Variants in CLASP1 observed in about 807,000 individuals in gnomAD.
CLASP1 encodes the protein cytoplasmic linker associated protein 1.
In CLASP1, 38 loss-of-function variants were observed where a neutral mutation model predicts 192.3. That is an observed-to-expected ratio of 0.20 (90% confidence interval 0.15 to 0.26). The LOEUF (loss-of-function observed/expected upper bound fraction) is 0.26. Ranked by LOEUF, CLASP1 falls within the 10% of genes least tolerant of loss-of-function variation. The probability of loss-of-function intolerance (pLI) is 1.00; values close to 1 mark genes in which losing one functional copy is unlikely to be tolerated. For missense variants in CLASP1, 1,433 were observed against 1,932.5 expected (o/e 0.74, Z 4.85); for synonymous variants, 691 against 712.8 (o/e 0.97, Z 0.49).
intron 1 of CLASP1, among the ~76,000 whole-genome samples, chr2:121,626,233 T>A (rs946990013): frequency 6.6e-6 from 1 of 152,062 alleles, no homozygotes; most frequent in Non-Finnish European, 1.5e-5. Flanking sequence ...TATTAAGTCC[T>A]GGGTATTTAA....
chr2:121,451,526 C>G (rs1322295592), intron 15 of CLASP1, among the ~76,000 whole-genome samples: 4 of 152,218 alleles, frequency 2.6e-5, no homozygotes, highest in Admixed American at 2.6e-4. Context: ...GAATGTCAAG[C>G]AGCAGGGCCA....
intron 23 of CLASP1, among the ~76,000 whole-genome samples, chr2:121,417,981 T>C (rs1434682047): frequency 2.0e-5 from 3 of 152,236 alleles, no homozygotes; most frequent in Non-Finnish European, 4.4e-5. Context: ...AATGGACATC[T>C]GTACAGCACT....
At chr2:121,479,733 T>C (rs896920552) in intron 8 of CLASP1, among the ~76,000 whole-genome samples, 2 of 152,192 alleles carry the variant, frequency 1.3e-5, no homozygotes, top group South Asian at 4.1e-4. Flanking sequence ...CCAGTCAATA[T>C]GGACCAGTGT....
intron 22 of CLASP1, among the ~76,000 whole-genome samples, chr2:121,418,944 A>T (rs2079047878): frequency 6.6e-6 from 1 of 152,226 alleles, no homozygotes; most frequent in Admixed American, 6.5e-5. Flanking sequence ...TCAATACCTC[A>T]GAAAGCTGTG....
At chr2:121,348,651 T>G in exon 38 of CLASP1, 1 of 1,613,896 alleles carries the variant, frequency 6.2e-7, no homozygotes, top group Non-Finnish European at 8.5e-7. Context: ...GCAGAGCACC[T>G]TGATGCACTG....
intron 2 of CLASP1, among the ~76,000 whole-genome samples, chr2:121,553,502 G>A (rs1461809353): frequency 7.3e-6 from 1 of 137,102 alleles, no homozygotes; most frequent in Non-Finnish European, 1.6e-5. Flanking sequence ...AGGAGATAGA[G>A]ACCATCCTGG....
intron 2 of CLASP1, among the ~76,000 whole-genome samples, chr2:121,588,035 G>A (rs2061927015): frequency 6.6e-6 from 1 of 151,178 alleles, no homozygotes; most frequent in Admixed American, 6.6e-5. Context: ...TTAGCCAGGT[G>A]TATTGGTACT....
chr2:121,504,280 G>C (rs2093868395), intron 7 of CLASP1, among the ~76,000 whole-genome samples: 1 of 152,046 alleles, frequency 6.6e-6, no homozygotes. Context: ...AGGTATACTG[G>C]AGTAAGTGTT....
intron 9 of CLASP1, among the ~76,000 whole-genome samples, chr2:121,466,687 A>G (rs2089654922): frequency 6.6e-6 from 1 of 152,234 alleles, no homozygotes; most frequent in South Asian, 2.1e-4. Context: ...CAAACTGTCT[A>G]CATTAGGGGT....
chr2:121,538,534 T>C (rs2095152642), intron 2 of CLASP1, among the ~76,000 whole-genome samples: 1 of 151,958 alleles, frequency 6.6e-6, no homozygotes, highest in Non-Finnish European at 1.5e-5. Context: ...ATGCCTGTAA[T>C]CCCAGCAATT....
At chr2:121,485,319 A>G (rs2092897691) in intron 8 of CLASP1, among the ~76,000 whole-genome samples, 1 of 152,232 alleles carries the variant, frequency 6.6e-6, no homozygotes, top group Admixed American at 6.5e-5. Flanking sequence ...GGGGCCCTAC[A>G]AAAAGTGTAC....
At chr2:121,346,057 C>G (rs888007179) in intron 39 of CLASP1, among the ~76,000 whole-genome samples, 1 of 152,262 alleles carries the variant, frequency 6.6e-6, no homozygotes, top group African/African-American at 2.4e-5. Flanking sequence ...TAATGCTCAC[C>G]AGCTGTATCA....
chr2:121,457,805 A>C, intron 13 of CLASP1, 48 bp from the exon 14 acceptor site: 1 of 1,378,562 alleles, frequency 7.3e-7, no homozygotes, highest in Non-Finnish European at 1.0e-6. Context: ...AAATACAAAA[A>C]CAAAACAAAA....
exon 25 of CLASP1, chr2:121,407,485 G>A (rs764709927): frequency 6.2e-7 from 1 of 1,613,900 alleles, no homozygotes; most frequent in Admixed American, 1.7e-5. Flanking sequence ...GTGTTCTTTG[G>A]CTCTTCAGTA....
At chr2:121,396,812 G>C (rs1165678995) in intron 30 of CLASP1, among the ~76,000 whole-genome samples, 1 of 152,152 alleles carries the variant, frequency 6.6e-6, no homozygotes, top group Admixed American at 6.5e-5. Flanking sequence ...GCTAGCCCTA[G>C]ATCTGCAATT....
exon 25 of CLASP1, chr2:121,407,667 C>T (rs754613126): frequency 3.7e-6 from 6 of 1,613,966 alleles, no homozygotes; most frequent in South Asian, 2.2e-5. Flanking sequence ...TTGGCATCAT[C>T]GTCAGAATAC....
intron 1 of CLASP1, among the ~76,000 whole-genome samples, chr2:121,642,401 T>TTA (rs1553686259): frequency 9.3e-6 from 1 of 107,510 alleles, no homozygotes; most frequent in Non-Finnish European, 2.0e-5. Context: ...ATCTTTTTGC[T>TTA]AAAAAAAAAA....
intron 37 of CLASP1, among the ~76,000 whole-genome samples, chr2:121,356,564 G>A (rs984025310): frequency 2.0e-5 from 3 of 152,092 alleles, no homozygotes; most frequent in Non-Finnish European, 2.9e-5. Context: ...TCTATGCCTC[G>A]GTTTTCCTCA....
chr2:121,568,168 C>T (rs1180979722), intron 2 of CLASP1, among the ~76,000 whole-genome samples: 1 of 152,148 alleles, frequency 6.6e-6, no homozygotes, highest in East Asian at 1.9e-4. Flanking sequence ...AGACTCAGGG[C>T]TGAATCAATA....
Sources: allele counts gnomAD v4.1 joint callset (sites outside exome capture counted in the v4.1 genomes callset), GRCh38; gene constraint gnomAD v4.1.1; transcripts MANE v1.5; gene names NCBI Gene and HGNC (gene_info 2026-07-23, HGNC 2026-07-21).